Variants in FBXL17 observed in about 807,000 individuals in gnomAD.
The protein encoded by FBXL17 is F-box/LRR-repeat protein 17.
Under a neutral mutation model 66.2 loss-of-function variants are expected in FBXL17, and 22 were observed. The observed-to-expected ratio is 0.33, with a 90% CI of 0.24 to 0.47. The LOEUF (loss-of-function observed/expected upper bound fraction) is 0.47. Among genes scored for constraint, FBXL17 ranks in the 20% least tolerant of loss-of-function variants. FBXL17 has a pLI of 1.00. For synonymous variants in FBXL17, 474 were observed against 400.5 expected (o/e 1.18, Z -2.19); for missense variants, 878 against 948.2 (o/e 0.93, Z 0.97).
chr5:108,239,976 C>T (rs1336691564), intron 4 of FBXL17, among the ~76,000 whole-genome samples: 1 of 151,994 alleles, frequency 6.6e-6, no homozygotes, highest in African/African-American at 2.4e-5. Flanking sequence ...AACCTGCCAT[C>T]TTGAAGGGAA....
At chr5:108,135,821 G>C (rs1580493183) in intron 6 of FBXL17, among the ~76,000 whole-genome samples, 1 of 152,154 alleles carries the variant, frequency 6.6e-6, no homozygotes, top group African/African-American at 2.4e-5. Flanking sequence ...GGACATATCT[G>C]ATCTCCCATA....
intron 6 of FBXL17, among the ~76,000 whole-genome samples, chr5:108,153,700 C>A (rs1751857924): frequency 6.6e-6 from 1 of 151,980 alleles, no homozygotes; most frequent in South Asian, 2.1e-4. Context: ...CAAGGTTGGG[C>A]CAGCTTGCCT....
intron 7 of FBXL17, among the ~76,000 whole-genome samples, chr5:107,992,937 C>T (rs1045136116): frequency 6.6e-6 from 1 of 151,990 alleles, no homozygotes; most frequent in Non-Finnish European, 1.5e-5. Flanking sequence ...GCTCTGTCGC[C>T]CAGGTTGGAG....
At chr5:107,974,143 T>A (rs1201911404) in intron 7 of FBXL17, among the ~76,000 whole-genome samples, 1 of 152,174 alleles carries the variant, frequency 6.6e-6, no homozygotes, top group Non-Finnish European at 1.5e-5. Flanking sequence ...AAAAGATCAG[T>A]AATCTAATAG....
intron 7 of FBXL17, among the ~76,000 whole-genome samples, chr5:108,014,982 G>A (rs968212638): frequency 6.6e-6 from 1 of 152,120 alleles, no homozygotes; most frequent in African/African-American, 2.4e-5. Context: ...AGGGGAAACT[G>A]CCATTATGAT....
chr5:108,290,863 C>T (rs571320657), intron 4 of FBXL17, among the ~76,000 whole-genome samples: 61 of 152,144 alleles, frequency 4.0e-4, no homozygotes, highest in Non-Finnish European at 5.3e-4. Context: ...AAAGTATATA[C>T]GGTGATTCAA....
intron 4 of FBXL17, among the ~76,000 whole-genome samples, chr5:108,281,399 A>G (rs904989056): frequency 2.0e-5 from 3 of 152,018 alleles, no homozygotes; most frequent in African/African-American, 7.2e-5. Context: ...AAATTTTACA[A>G]ATACATGGAA....
chr5:108,051,968 C>T lies in FBXL17; in HGVS notation c.1746-30967G>A, dbSNP rs891346236. 9.2e-5 allele frequency among the ~76,000 whole-genome samples: 14 copies of T among 151,940 alleles called. 1 individual carries two copies. Among genetic ancestry groups the T allele is most frequent in the African/African-American group, 3.4e-4 (14 of 41,466 alleles). ...TTCTAAAAAAATACAAAAAAACTAG[C>T]CGGGTCTGGTGGCGGGCTCCTGTAG... On this transcript the variant is annotated intron_variant, in intron 6 of 8. Transcript: ENST00000542267.
At chr5:108,303,841 GT>G (rs1264353369) in intron 4 of FBXL17, among the ~76,000 whole-genome samples, 1 of 151,862 alleles carries the variant, frequency 6.6e-6, no homozygotes, top group Non-Finnish European at 1.5e-5. Flanking sequence ...CTAATAGAAT[GT>G]ATGCTTGTAT....
At chr5:108,331,301 A>G (rs1393875625) in intron 4 of FBXL17, among the ~76,000 whole-genome samples, 1 of 152,174 alleles carries the variant, frequency 6.6e-6, no homozygotes, top group East Asian at 1.9e-4. Flanking sequence ...CACATTTTTT[A>G]TTTTACACAG....
At chr5:107,978,418 C>T (rs66673402) in intron 7 of FBXL17, among the ~76,000 whole-genome samples, 25,856 of 151,916 alleles carry the variant, frequency 0.17, 2,696 homozygotes, top group Non-Finnish European at 0.23. Context: ...CTGAATTCTG[C>T]TAAGATATAT....
chr5:108,207,725 A>G (rs1419574087), intron 5 of FBXL17, among the ~76,000 whole-genome samples: 1 of 152,122 alleles, frequency 6.6e-6, no homozygotes, highest in Non-Finnish European at 1.5e-5. Context: ...TATATTATTG[A>G]TGGACATTTG....
chr5:107,993,328 T>G (rs568155883), intron 7 of FBXL17, among the ~76,000 whole-genome samples: 1 of 152,252 alleles, frequency 6.6e-6, no homozygotes, highest in South Asian at 2.1e-4. Context: ...AGATGATGAG[T>G]GATTATTCTT....
At chr5:107,955,211 GGAGT>G (rs1165255456) in intron 7 of FBXL17, among the ~76,000 whole-genome samples, 1 of 151,882 alleles carries the variant, frequency 6.6e-6, no homozygotes, top group African/African-American at 2.4e-5. Flanking sequence ...ACATTAACTA[GGAGT>G]AAGTACTAGG....
At chr5:108,224,472 C>T (rs1254948149) in intron 4 of FBXL17, among the ~76,000 whole-genome samples, 1 of 151,786 alleles carries the variant, frequency 6.6e-6, no homozygotes, top group African/African-American at 2.4e-5. Flanking sequence ...ACACTGGCTA[C>T]CTCCAATTCT....
In FBXL17 at chr5:108,125,563, G is replaced by A. The variant is rs536814908; in HGVS notation, c.1745+60554C>T. Among the ~76,000 whole-genome samples, 11 of 152,104 alleles carry A rather than the reference G, an allele frequency of 7.2e-5. No homozygotes were observed. In the East Asian group the frequency reaches 7.7e-4, roughly 11 times the overall value. ...AATTTATATTTTATGTATTAGTAAC[G>A]ATAGGAGTATTCTATGGAGGGTGGC... On this transcript the variant is annotated intron_variant, in intron 6 of 8. Coordinates refer to ENST00000542267, the MANE Select transcript of FBXL17 (RefSeq NM_001163315.3).
rs534059115 is a variant in FBXL17 at position 108,199,516 on chromosome 5, G to C, written c.1615-13269C>G. 5.3e-5 allele frequency among the ~76,000 whole-genome samples: 8 copies of C among 152,244 alleles called. No individual in the cohort carries two copies. The East Asian group carries it at 1.5e-3, about 29-fold the overall frequency. On this transcript the variant is annotated intron_variant, in intron 5 of 8. Transcript: ENST00000542267. ...CCAACCTATTCTTGGAATTCATCATGAACTTGTAGCTTTATTAGTCTTAAT... is the reference window on the plus strand; with the variant it reads ...CCAACCTATTCTTGGAATTCATCATCAACTTGTAGCTTTATTAGTCTTAAT...
intron 3 of FBXL17, among the ~76,000 whole-genome samples, chr5:108,351,429 C>T (rs113942815): frequency 1.1e-4 from 17 of 152,254 alleles, no homozygotes; most frequent in African/African-American, 3.6e-4. Context: ...GTCTGATTCC[C>T]GGTCTCTCCA....
chr5:107,943,360 A>G (rs1021947896), intron 7 of FBXL17, among the ~76,000 whole-genome samples: 2 of 152,058 alleles, frequency 1.3e-5, no homozygotes, highest in African/African-American at 4.8e-5. Flanking sequence ...CCATTCATCT[A>G]TTCCTAGGTT....
Sources: gnomAD v4.1 joint callset for allele counts (sites outside exome capture counted in the v4.1 genomes callset) on GRCh38, gnomAD v4.1.1 for gene constraint, MANE v1.5 for transcripts, NCBI Gene and HGNC (gene_info 2026-07-23, HGNC 2026-07-21) for gene names.